Variants in ARHGEF4 observed in about 807,000 individuals in gnomAD.
ARHGEF4 encodes the protein Rho guanine nucleotide exchange factor 4.
A neutral mutation model predicts 162.0 loss-of-function variants in ARHGEF4; 119 were observed. The observed-to-expected ratio is 0.73, with a 90% CI of 0.63 to 0.86. The LOEUF is 0.86. ARHGEF4 is among the 40% of genes least tolerant of loss of function. The pLI is 0.00. For missense variants in ARHGEF4, 2,488 were observed against 2,456.0 expected, an observed-to-expected ratio of 1.01 and a Z score of -0.28; for synonymous variants, 1,014 against 979.9, an observed-to-expected ratio of 1.03 and a Z score of -0.65.
At chr2:130,934,347 T>C (rs1682815176) in intron 3 of ARHGEF4, among the ~76,000 whole-genome samples, 1 of 152,208 alleles carries the variant, frequency 6.6e-6, no homozygotes, top group African/African-American at 2.4e-5. Flanking sequence ...CCTCTTCTAT[T>C]TTTTGAAAGC....
intron 9 of ARHGEF4, 73 bp from the exon 10 acceptor site, chr2:131,041,742 G>C (rs1352915629): frequency 1.3e-6 from 2 of 1,558,814 alleles, no homozygotes; most frequent in Admixed American, 1.8e-5. Context: ...CTCCACACGT[G>C]GGGGCTGCAG....
At chr2:130,952,398 T>C (rs1684013164) in intron 4 of ARHGEF4, among the ~76,000 whole-genome samples, 1 of 152,154 alleles carries the variant, frequency 6.6e-6, no homozygotes, top group African/African-American at 2.4e-5. Flanking sequence ...AACTAGGTAT[T>C]GATGGAACGT....
chr2:130,915,715 AG>A lies in ARHGEF4; in HGVS notation c.1771del (p.Ala591GlnfsTer44). On this transcript the variant is annotated frameshift_variant, in exon 2 of 14. Transcript: ENST00000409359. LOFTEE classifies it high-confidence loss of function. ...GCTTTGCAAGGTCTTTCAGAATTCAAGGCAGCCACGGTGTCTCACTGCGGCC... is the reference window on the plus strand; with the variant it reads ...GCTTTGCAAGGTCTTTCAGAATTCAAGCAGCCACGGTGTCTCACTGCGGCC... Reference protein sequence around the residue: ...EQALQGLSEFKAATVSHCGPG... With the variant: ...EQALQGLSEFXAATVSHCGPG... 1.3e-6 allele frequency: 2 copies of A among 1,549,908 alleles called. No homozygotes were observed. Among genetic ancestry groups the A allele is most frequent in the Non-Finnish European group, 1.7e-6 (2 of 1,146,594 alleles).
chr2:130,840,682 C>T (rs879734750), intron 1 of ARHGEF4, among the ~76,000 whole-genome samples: 2 of 152,158 alleles, frequency 1.3e-5, no homozygotes, highest in Non-Finnish European at 2.9e-5. Context: ...TGGGCTGCCA[C>T]GAGGTGGATG....
chr2:130,913,863 TACATGGGG>T (rs1269842304), intron 1 of ARHGEF4, 115 bp from the exon 2 acceptor site: 1 of 1,184,472 alleles, frequency 8.4e-7, no homozygotes, highest in African/African-American at 1.5e-5. Context: ...TTCCTAGGGG[TACATGGGG>T]AACTAATGAG....
chr2:130,952,108 C>T (rs10168369), intron 4 of ARHGEF4, among the ~76,000 whole-genome samples: 1 of 152,104 alleles, frequency 6.6e-6, no homozygotes, highest in Non-Finnish European at 1.5e-5. Context: ...ATTACCTTTT[C>T]TAGTACTCTT....
chr2:130,872,349 C>T (rs1422380828), intron 1 of ARHGEF4, among the ~76,000 whole-genome samples: 1 of 152,122 alleles, frequency 6.6e-6, no homozygotes, highest in Admixed American at 6.5e-5. Context: ...CAGGAGCATG[C>T]GACTGACGGC....
intron 5 of ARHGEF4, among the ~76,000 whole-genome samples, chr2:131,036,592 G>A (rs576536675): frequency 6.6e-6 from 1 of 152,312 alleles, no homozygotes; most frequent in African/African-American, 2.4e-5. Context: ...CACCTATGCC[G>A]GACCCAGTCC....
At chr2:130,966,586 A>G (rs79887164) in intron 4 of ARHGEF4, among the ~76,000 whole-genome samples, 2,307 of 152,264 alleles carry the variant, frequency 0.015, 69 homozygotes, top group African/African-American at 0.053. Flanking sequence ...GTCTGAGCAG[A>G]GCTTCAGGCC....
At chr2:130,976,940 GTGTGA>G (rs1475898943) in intron 4 of ARHGEF4, among the ~76,000 whole-genome samples, 11 of 151,950 alleles carry the variant, frequency 7.2e-5, no homozygotes, top group Admixed American at 3.9e-4. Flanking sequence ...TGTGTGGTGT[GTGTGA>G]TGTATGTGTG....
At chr2:130,865,576 A>G (rs1460428697) in intron 1 of ARHGEF4, among the ~76,000 whole-genome samples, 2 of 152,156 alleles carry the variant, frequency 1.3e-5, no homozygotes, top group Non-Finnish European at 1.5e-5. Flanking sequence ...ATCTGCCACA[A>G]TCACATTCCA....
intron 9 of ARHGEF4, 46 bp downstream of exon 9, chr2:131,041,508 C>T (rs923348557): frequency 1.9e-6 from 3 of 1,558,358 alleles, no homozygotes; most frequent in African/African-American, 2.7e-5. Context: ...CTCTGCATGC[C>T]TCCAGTCAGC....
At chr2:130,971,526 C>T (rs533842090) in intron 4 of ARHGEF4, among the ~76,000 whole-genome samples, 1 of 151,978 alleles carries the variant, frequency 6.6e-6, no homozygotes, top group African/African-American at 2.4e-5. Flanking sequence ...GGCGTGGTGG[C>T]GGGCGCCTGT....
intron 4 of ARHGEF4, among the ~76,000 whole-genome samples, chr2:131,016,333 G>A (rs1688775310): frequency 6.6e-6 from 1 of 152,186 alleles, no homozygotes; most frequent in Non-Finnish European, 1.5e-5. Context: ...TGTGTCTGTG[G>A]CGCATACCCA....
chr2:130,922,905 G>C (rs1681972005), intron 2 of ARHGEF4, among the ~76,000 whole-genome samples: 1 of 142,726 alleles, frequency 7.0e-6, no homozygotes, highest in Non-Finnish European at 1.5e-5. Flanking sequence ...TGTGTGGCTT[G>C]TCTTTTCCCT....
In ARHGEF4 at chr2:130,914,541, G is replaced by C; in HGVS notation, c.595G>C (p.Gly199Arg). 1 of 1,416,036 alleles carries C rather than the reference G, an allele frequency of 7.1e-7. No individual in the cohort carries two copies. The allele number at this position is 1,416,036 out of a possible 1,614,324, so 87.7% of individuals were successfully genotyped here. Residue 199 changes from glycine to arginine, a missense_variant, in exon 2 of 14, where the codon GGG (glycine) becomes CGG (arginine). By Grantham distance (125) the Gly-to-Arg change is moderately radical (BLOSUM62 -2). Coordinates refer to ENST00000409359, the MANE Select transcript of ARHGEF4 (RefSeq NM_001367493.1). The part of the protein sequence containing the change: ...TDSSGPEPVQ[G>R]VAVQDLRGLS... ...CAGCAGTGGTCCTGAGCCAGTACAG[G>C]GGGTGGCTGTTCAAGACCTCAGAGG... is the stretch of plus-strand genomic sequence containing the variant.
At chr2:130,964,043 G>T (rs1213461146) in intron 4 of ARHGEF4, 1 of 485,502 alleles carries the variant, frequency 2.1e-6, no homozygotes, top group Non-Finnish European at 2.7e-6. Flanking sequence ...GGGCCCGCCT[G>T]CGTGCGGGCG....
chr2:130,904,100 T>A (rs1198559826), intron 1 of ARHGEF4, among the ~76,000 whole-genome samples: 1 of 152,224 alleles, frequency 6.6e-6, no homozygotes, highest in Admixed American at 6.5e-5. Context: ...TCCAAACTGC[T>A]CTCCACAGGG....
chr2:130,934,831 A>G (rs1402425124), intron 3 of ARHGEF4, among the ~76,000 whole-genome samples: 1 of 152,180 alleles, frequency 6.6e-6, no homozygotes, highest in African/African-American at 2.4e-5. Context: ...GGCATGAGCC[A>G]CTGTACCCGG....
Sources: allele counts gnomAD v4.1 joint callset (sites outside exome capture counted in the v4.1 genomes callset), GRCh38; gene constraint gnomAD v4.1.1; transcripts MANE v1.5; gene names NCBI Gene and HGNC (gene_info 2026-07-23, HGNC 2026-07-21).